Variants in HSD17B2 observed in about 807,000 individuals in gnomAD.
The protein encoded by HSD17B2 is hydroxysteroid 17-beta dehydrogenase 2, also known as 17-beta-hydroxysteroid dehydrogenase type 2.
HSD17B2 carries 32 observed loss-of-function variants against 26.9 expected under a neutral mutation model. That is an observed-to-expected ratio of 1.19 (90% confidence interval 0.90 to 1.60). HSD17B2 has a LOEUF of 1.60. HSD17B2 is among the 40% of genes most tolerant of loss of function. HSD17B2 has a pLI of 0.00. For synonymous variants in HSD17B2, 246 were observed against 186.7 expected (o/e 1.32, Z -2.59); for missense variants, 613 against 468.6 (o/e 1.31, Z -2.85).
At chr16:82,075,880 T>C (rs558022049) in intron 3 of HSD17B2, among the ~76,000 whole-genome samples, 54 of 146,840 alleles carry the variant, frequency 3.7e-4, no homozygotes, top group African/African-American at 1.3e-3. Context: ...CCTATATCAT[T>C]CTGATAGCAA....
intron 3 of HSD17B2, among the ~76,000 whole-genome samples, chr16:82,073,044 G>A (rs1270270160): frequency 6.6e-6 from 1 of 152,108 alleles, no homozygotes; most frequent in East Asian, 1.9e-4. Flanking sequence ...CTGGGTGAGA[G>A]AGTGAGACGC....
At chr16:82,090,763 C>A in intron 3 of HSD17B2, 139 bp from the exon 4 acceptor site, 1 of 749,470 alleles carries the variant, frequency 1.3e-6, no homozygotes, top group Non-Finnish European at 2.1e-6. Context: ...CTCACCTGGG[C>A]TCAGGGGGCC....
At chr16:82,043,498 C>A (rs931945832) in intron 1 of HSD17B2, among the ~76,000 whole-genome samples, 2 of 143,448 alleles carry the variant, frequency 1.4e-5, no homozygotes, top group Admixed American at 6.6e-5. Flanking sequence ...TCCTGGCTAA[C>A]ACGGTGAAAC....
intron 1 of HSD17B2, among the ~76,000 whole-genome samples, chr16:82,067,273 G>T (rs922753006): frequency 3.9e-5 from 6 of 152,212 alleles, no homozygotes. Flanking sequence ...CACAGGCAAT[G>T]TGAAATACTT....
intron 1 of HSD17B2, among the ~76,000 whole-genome samples, chr16:82,049,453 G>A (rs909179823): frequency 6.6e-6 from 1 of 152,212 alleles, no homozygotes; most frequent in African/African-American, 2.4e-5. Flanking sequence ...CATGATGGGT[G>A]CCCCATAATA....
At position 82,098,242 on chromosome 16, in the gene HSD17B2, G is replaced by C. The variant is rs761869009; in HGVS notation, c.970G>C (p.Asp324His). The change falls in exon 5 of 5, where the codon GAC becomes CAC. Residue 324 changes from aspartate to histidine, a missense_variant. By Grantham distance (81) the Asp-to-His change is moderately conservative. Coordinates refer to ENST00000199936, the MANE Select transcript of HSD17B2 (RefSeq NM_002153.3). Reference protein sequence around the residue: ...ASKDFSPVLRDIQHAILAKSP... With the variant: ...ASKDFSPVLRHIQHAILAKSP... ...CAAGGACTTCTCTCCGGTGCTGCGG[G>C]ACATCCAGCATGCTATCTTGGCGAA... 1 of 1,614,056 alleles carries C rather than the reference G, an allele frequency of 6.2e-7. No homozygotes were observed. Among genetic ancestry groups the C allele is most frequent in the Non-Finnish European group, 8.5e-7 (1 of 1,180,028 alleles).
chr16:82,055,569 A>G (rs1444212324), intron 1 of HSD17B2, among the ~76,000 whole-genome samples: 2 of 152,240 alleles, frequency 1.3e-5, no homozygotes, highest in Non-Finnish European at 2.9e-5. Context: ...GATGATTAAG[A>G]AATCAGCCCA....
At chr16:82,097,427 G>C (rs1355903341) in intron 4 of HSD17B2, 1 of 151,328 alleles carries the variant, frequency 6.6e-6, no homozygotes, top group Non-Finnish European at 1.5e-5. Context: ...ATGTTGCCCA[G>C]GCTGATCTTG....
At chr16:82,094,851 G>A (rs1904793843) in intron 4 of HSD17B2, 2 of 152,154 alleles carry the variant, frequency 1.3e-5, no homozygotes, top group Admixed American at 1.3e-4. Flanking sequence ...CTGTGAAGTA[G>A]GCATCATAAT....
At chr16:82,097,586 C>T (rs965729614) in intron 4 of HSD17B2, 18 of 152,170 alleles carry the variant, frequency 1.2e-4, no homozygotes, top group African/African-American at 4.1e-4. Context: ...TACGTGTGCA[C>T]TTTTCTGTAT....
intron 3 of HSD17B2, among the ~76,000 whole-genome samples, chr16:82,083,751 G>A (rs1010876611): frequency 1.3e-5 from 2 of 152,082 alleles, no homozygotes; most frequent in Non-Finnish European, 2.9e-5. Context: ...TAGCTCCTGA[G>A]GAGATGACCC....
At chr16:82,059,210 A>G (rs1889266437) in intron 1 of HSD17B2, among the ~76,000 whole-genome samples, 1 of 152,236 alleles carries the variant, frequency 6.6e-6, no homozygotes, top group South Asian at 2.1e-4. Flanking sequence ...TCCAATGTGC[A>G]TCTTCTCTCT....
chr16:82,085,892 C>G (rs1033813513), intron 3 of HSD17B2, among the ~76,000 whole-genome samples: 1 of 151,978 alleles, frequency 6.6e-6, no homozygotes, highest in Non-Finnish European at 1.5e-5. Context: ...TAACATACCC[C>G]CTAAAATGGC....
At chr16:82,088,294 G>C (rs1904585637) in intron 3 of HSD17B2, among the ~76,000 whole-genome samples, 1 of 152,168 alleles carries the variant, frequency 6.6e-6, no homozygotes, top group South Asian at 2.1e-4. Context: ...TGAAAAGCCT[G>C]AGTAGCACTA....
intron 3 of HSD17B2, among the ~76,000 whole-genome samples, chr16:82,085,526 T>G (rs909594957): frequency 1.3e-5 from 2 of 152,180 alleles, no homozygotes; most frequent in African/African-American, 4.8e-5. Flanking sequence ...ACTATGTGCT[T>G]TCTACTTTTC....
chr16:82,078,277 T>G (rs1195787190), intron 3 of HSD17B2, among the ~76,000 whole-genome samples: 1 of 152,132 alleles, frequency 6.6e-6, no homozygotes, highest in Non-Finnish European at 1.5e-5. Context: ...AACAAGCATA[T>G]GAAAATGTGC....
chr16:82,081,482 C>T (rs1263866076), intron 3 of HSD17B2, among the ~76,000 whole-genome samples: 1 of 152,122 alleles, frequency 6.6e-6, no homozygotes, highest in Admixed American at 6.5e-5. Flanking sequence ...GAGGGTGGGG[C>T]TCTCCTCTTC....
intron 1 of HSD17B2, among the ~76,000 whole-genome samples, chr16:82,066,142 A>T (rs1037140012): frequency 2.6e-5 from 4 of 152,176 alleles, no homozygotes; most frequent in Admixed American, 6.5e-5. Context: ...ATTAATTTAC[A>T]CTAAGACAGG....
At chr16:82,050,348 T>C (rs990995847) in intron 1 of HSD17B2, among the ~76,000 whole-genome samples, 1 of 151,958 alleles carries the variant, frequency 6.6e-6, no homozygotes, top group Non-Finnish European at 1.5e-5. Context: ...CCCGCCCATA[T>C]ACAATTCGTT....
Sources: allele counts gnomAD v4.1 joint callset (sites outside exome capture counted in the v4.1 genomes callset), GRCh38; gene constraint gnomAD v4.1.1; transcripts MANE v1.5; gene names NCBI Gene and HGNC (gene_info 2026-07-23, HGNC 2026-07-21).